RAB6A: variants seen among roughly 807,000 people sequenced by gnomAD.
RAB6A encodes ras-related protein Rab-6A.
A neutral mutation model predicts 32.3 loss-of-function variants in RAB6A; 8 were observed. That is an observed-to-expected ratio of 0.25 (90% confidence interval 0.15 to 0.45). The LOEUF is 0.45. Ranked by LOEUF, RAB6A falls within the 20% of genes least tolerant of loss-of-function variation. The pLI is 1.00. For missense variants in RAB6A, 104 were observed against 249.4 expected, an observed-to-expected ratio of 0.42 and a Z score of 3.93; for synonymous variants, 73 against 82.1, an observed-to-expected ratio of 0.89 and a Z score of 0.60.
intron 6 of RAB6A, 75 bp downstream of exon 6, chr11:73,707,345 C>T (rs1945863439): frequency 9.3e-7 from 1 of 1,071,734 alleles, no homozygotes; most frequent in East Asian, 2.4e-5. Context: ...TGGAAGGAAA[C>T]CTATACACCA....
At chr11:73,691,297 C>T (rs1483827743) in intron 6 of RAB6A, among the ~76,000 whole-genome samples, 14 of 152,184 alleles carry the variant, frequency 9.2e-5, no homozygotes, top group East Asian at 7.7e-4. Flanking sequence ...TTTGCTTTCT[C>T]CTGGGGTCTG....
intron 6 of RAB6A, among the ~76,000 whole-genome samples, chr11:73,685,885 CAAAAAAA>C (rs56270679): frequency 4.8e-4 from 49 of 103,040 alleles, no homozygotes; most frequent in African/African-American, 2.0e-3. Context: ...AACTCCGTCT[CAAAAAAA>C]AAAAAAAAAA....
At chr11:73,693,710 C>A (rs1945613227) in intron 6 of RAB6A, among the ~76,000 whole-genome samples, 1 of 151,884 alleles carries the variant, frequency 6.6e-6, no homozygotes, top group Admixed American at 6.6e-5. Flanking sequence ...ATAGTGAGAC[C>A]TCGTCTCTAC....
chr11:73,697,220 A>G (rs769155183), intron 6 of RAB6A, among the ~76,000 whole-genome samples: 5 of 152,144 alleles, frequency 3.3e-5, no homozygotes, highest in African/African-American at 4.8e-5. Context: ...CTTTGCTCAA[A>G]TATCACCTTA....
intron 6 of RAB6A, among the ~76,000 whole-genome samples, chr11:73,703,269 G>A (rs1192245542): frequency 2.0e-5 from 3 of 152,118 alleles, no homozygotes; most frequent in Non-Finnish European, 4.4e-5. Flanking sequence ...TCTAGGGCTT[G>A]TTCAGTCTAG....
At chr11:73,717,117 A>G (rs949087325) in intron 4 of RAB6A, among the ~76,000 whole-genome samples, 1 of 152,202 alleles carries the variant, frequency 6.6e-6, no homozygotes, top group African/African-American at 2.4e-5. Flanking sequence ...TTTTAAACAA[A>G]CAGCAACCCA....
intron 1 of RAB6A, among the ~76,000 whole-genome samples, chr11:73,743,423 GATA>G: frequency 6.6e-6 from 1 of 152,158 alleles, no homozygotes; most frequent in East Asian, 1.9e-4. Context: ...GTATCCGTAA[GATA>G]ATGTTAAACT....
At chr11:73,712,357 C>CTTT (rs368646343) in intron 5 of RAB6A, among the ~76,000 whole-genome samples, 18 of 144,696 alleles carry the variant, frequency 1.2e-4, no homozygotes, top group African/African-American at 4.0e-4. Flanking sequence ...CCTAGCTTTT[C>CTTT]CTTTTTTTTT....
chr11:73,721,418 T>C (rs551757783), intron 2 of RAB6A, among the ~76,000 whole-genome samples: 1 of 152,292 alleles, frequency 6.6e-6, no homozygotes, highest in African/African-American at 2.4e-5. Context: ...AGTCATTAGG[T>C]AAGGAAAACA....
intron 6 of RAB6A, among the ~76,000 whole-genome samples, chr11:73,694,272 G>A (rs1287174909): frequency 6.6e-6 from 1 of 152,164 alleles, no homozygotes; most frequent in Non-Finnish European, 1.5e-5. Context: ...TACTCTGTTG[G>A]AATGTTTACG....
At chr11:73,718,214 T>G (rs1260131025) in intron 4 of RAB6A, among the ~76,000 whole-genome samples, 2 of 152,172 alleles carry the variant, frequency 1.3e-5, no homozygotes, top group Non-Finnish European at 2.9e-5. Context: ...AGCAGAAGCT[T>G]GTAATAGCCT....
intron 1 of RAB6A, among the ~76,000 whole-genome samples, chr11:73,737,196 A>G (rs943693909): frequency 6.6e-6 from 1 of 152,174 alleles, no homozygotes; most frequent in Non-Finnish European, 1.5e-5. Flanking sequence ...AGAACTCACA[A>G]TGGAAATTTA....
chr11:73,729,509 T>A (rs1409846600), intron 2 of RAB6A: 1 of 152,208 alleles, frequency 6.6e-6, no homozygotes, highest in Non-Finnish European at 1.5e-5. Context: ...TCAATTTTTT[T>A]ATCTTTTCAA....
At chr11:73,700,599 A>AAGTGTGT (rs1555056742) in intron 6 of RAB6A, among the ~76,000 whole-genome samples, 2 of 8,446 alleles carry the variant, frequency 2.4e-4, no homozygotes, top group African/African-American at 1.3e-3. Flanking sequence ...AAAAAAAAAA[A>AAGTGTGT]GTGTGTGTGT....
chr11:73,710,485 C>T (rs1945938983), intron 5 of RAB6A, among the ~76,000 whole-genome samples: 1 of 151,706 alleles, frequency 6.6e-6, no homozygotes, highest in Non-Finnish European at 1.5e-5. Context: ...CACCTGTAAT[C>T]CCAGCACTTT....
intron 6 of RAB6A, among the ~76,000 whole-genome samples, chr11:73,705,954 A>C (rs1945834859): frequency 6.6e-6 from 1 of 152,140 alleles, no homozygotes. Flanking sequence ...ACTGAAACTT[A>C]TAAGGAGTAC....
chr11:73,748,859 T>C (rs1946632556), intron 1 of RAB6A, among the ~76,000 whole-genome samples: 1 of 152,162 alleles, frequency 6.6e-6, no homozygotes, highest in African/African-American at 2.4e-5. Flanking sequence ...GCGCGGTGGC[T>C]TACACCTGTA....
At chr11:73,759,323 T>C (rs1590902116) in intron 1 of RAB6A, among the ~76,000 whole-genome samples, 1 of 151,994 alleles carries the variant, frequency 6.6e-6, no homozygotes, top group African/African-American at 2.4e-5. Context: ...GTTTGTATAA[T>C]ACAGCATAAA....
At chr11:73,680,126 T>G (rs868112548) in intron 6 of RAB6A, among the ~76,000 whole-genome samples, 2 of 151,824 alleles carry the variant, frequency 1.3e-5, no homozygotes, top group Non-Finnish European at 2.9e-5. Flanking sequence ...AATAATAAAA[T>G]AAAATGTCTA....
Sources: allele counts gnomAD v4.1 joint callset (sites outside exome capture counted in the v4.1 genomes callset), GRCh38; gene constraint gnomAD v4.1.1; transcripts MANE v1.5; gene names NCBI Gene and HGNC (gene_info 2026-07-23, HGNC 2026-07-21).